Variants in MYO16 observed in about 807,000 individuals in gnomAD.
MYO16 encodes the protein myosin XVI.
MYO16 carries 94 observed loss-of-function variants against 205.3 expected under a neutral mutation model. The ratio of observed to expected loss-of-function variants is 0.46; its 90% CI spans 0.39 to 0.54. MYO16 has a LOEUF of 0.54. MYO16 is among the 20% of genes least tolerant of loss of function. The pLI, the probability that MYO16 is intolerant of heterozygous loss-of-function variation, is 0.00. For missense variants in MYO16, 2,315 were observed against 2,387.5 expected (o/e 0.97, Z 0.63); for synonymous variants, 988 against 954.0 (o/e 1.04, Z -0.66).
chr13:108,798,688 A>ATT (rs35432777), intron 6 of MYO16, among the ~76,000 whole-genome samples: 5,197 of 70,406 alleles, frequency 0.074, 1,099 homozygotes, highest in African/African-American at 0.12. Context: ...CCCGAGGCTT[A>ATT]TTTTTTTTTT....
chr13:108,897,868 A>C (rs919902873), intron 14 of MYO16, 148 bp from the exon 15 acceptor site: 1 of 644,900 alleles, frequency 1.6e-6, no homozygotes, highest in Non-Finnish European at 2.7e-6. Flanking sequence ...TTGAGGAAAA[A>C]GGGGTCTTAA....
chr13:108,651,507 G>C (rs1050938514), intron 1 of MYO16, among the ~76,000 whole-genome samples: 4 of 152,200 alleles, frequency 2.6e-5, no homozygotes, highest in African/African-American at 9.7e-5. Flanking sequence ...TGTGCAAAAA[G>C]TAAATATACC....
chr13:108,662,669 G>A, intron 1 of MYO16, among the ~76,000 whole-genome samples: 1 of 152,112 alleles, frequency 6.6e-6, no homozygotes, highest in East Asian at 1.9e-4. Context: ...AGGGCAAGAT[G>A]GGTTTGAAAA....
the MYO16 span, among the ~76,000 whole-genome samples, chr13:108,499,625 C>T: frequency 6.6e-6 from 1 of 152,130 alleles, no homozygotes; most frequent in African/African-American, 2.4e-5. Context: ...GAAGACATGA[C>T]AATAAACCAG....
At chr13:108,841,515 A>G (rs76906030) in intron 9 of MYO16, among the ~76,000 whole-genome samples, 3,858 of 152,304 alleles carry the variant, frequency 0.025, 124 homozygotes, top group East Asian at 0.11. Context: ...AAAGGAACTT[A>G]GATAAGTCAC....
intron 23 of MYO16, among the ~76,000 whole-genome samples, chr13:109,020,280 A>C (rs1885976972): frequency 6.6e-6 from 1 of 152,134 alleles, no homozygotes; most frequent in Admixed American, 6.6e-5. Flanking sequence ...GTATTAAAGT[A>C]TTTTTTATTA....
intron 32 of MYO16, among the ~76,000 whole-genome samples, chr13:109,154,111 T>A (rs1877851347): frequency 6.6e-6 from 1 of 152,276 alleles, no homozygotes; most frequent in African/African-American, 2.4e-5. Context: ...GAGAAGAATT[T>A]GAATCTCCAT....
At chr13:108,576,034 G>A in the MYO16 span, among the ~76,000 whole-genome samples, 7 of 152,074 alleles carry the variant, frequency 4.6e-5, no homozygotes, top group Non-Finnish European at 1.0e-4. Flanking sequence ...ATTGTCAAGC[G>A]CTCAGGGCTA....
chr13:108,673,179 ATAGT>A (rs1882063450), intron 2 of MYO16, among the ~76,000 whole-genome samples: 1 of 152,184 alleles, frequency 6.6e-6, no homozygotes, highest in Non-Finnish European at 1.5e-5. Context: ...TTTATGTGGT[ATAGT>A]TAGAGAAACT....
At chr13:108,594,929 G>A (rs964535501), upstream of MYO16, among the ~76,000 whole-genome samples, 3 of 152,214 alleles carry the variant, frequency 2.0e-5, no homozygotes, top group African/African-American at 7.2e-5. Flanking sequence ...GGCTGAGGGA[G>A]AGGAATAATT....
chr13:108,868,240 A>G (rs933357146), intron 12 of MYO16, among the ~76,000 whole-genome samples: 14 of 152,204 alleles, frequency 9.2e-5, no homozygotes. Context: ...GCGTGGTTGT[A>G]CTAAGGTATA....
At chr13:108,786,856 C>T (rs1030493560) in intron 5 of MYO16, among the ~76,000 whole-genome samples, 16 of 152,164 alleles carry the variant, frequency 1.1e-4, no homozygotes, top group African/African-American at 3.1e-4. Flanking sequence ...GCAGCTCAGT[C>T]GTGCCTGGGC....
rs138343083 is a variant in MYO16 at position 108,665,911 on chromosome 13, T to C, written c.54T>C (p.Phe18=). The C allele has an allele frequency of 1.4e-3, 2,322 of 1,613,994 alleles. 28 individuals carry two copies. In the African/African-American group the frequency reaches 0.026, roughly 18 times the overall value. The part of the protein sequence containing the change: ...KCCCFQLCNV[F]RSHEMEIDQC... ...GTTGCTTTCAGCTATGTAACGTTTT[T>C]CGATCCCATGAGATGGAAATCGACC... The change falls in exon 2 of 35, where the codon TTT becomes TTC. Residue 18 remains phenylalanine, a synonymous_variant. Transcript: ENST00000457511.
rs73619934 is a variant in MYO16, at chr13:109,137,730, C to T, written c.4052-2534C>T. Among the ~76,000 whole-genome samples, 838 of 152,102 alleles carry T rather than the reference C, an allele frequency of 5.5e-3. 11 individuals are homozygous for T. Among genetic ancestry groups the T allele is most frequent in the African/African-American group, 0.019 (768 of 41,486 alleles). On this transcript the variant is annotated intron_variant, in intron 31 of 34. Transcript: ENST00000457511. ...TGGTTACAGTGTGTTGAGAACTGAG[C>T]GAAGCACTTTCCCTACAATATCTAT...
intron 12 of MYO16, among the ~76,000 whole-genome samples, chr13:108,869,726 GTT>G (rs1878943280): frequency 2.9e-5 from 2 of 68,562 alleles, no homozygotes; most frequent in Non-Finnish European, 2.6e-5. Flanking sequence ...GCGAGACTCC[GTT>G]TCTAAAAAAA....
chr13:108,838,532 G>C (rs544988535), intron 9 of MYO16, among the ~76,000 whole-genome samples: 94 of 150,730 alleles, frequency 6.2e-4, no homozygotes, highest in Admixed American at 2.1e-3. Flanking sequence ...GCTTGGCATG[G>C]TGGTTCATGC....
the MYO16 span, among the ~76,000 whole-genome samples, chr13:108,564,412 G>A: frequency 6.6e-6 from 1 of 152,026 alleles, no homozygotes; most frequent in East Asian, 1.9e-4. Flanking sequence ...CTCATGATCT[G>A]CCCATCTCGG....
At chr13:108,508,861 G>A in the MYO16 span, among the ~76,000 whole-genome samples, 1 of 152,090 alleles carries the variant, frequency 6.6e-6, no homozygotes, top group Non-Finnish European at 1.5e-5. Context: ...TGTCTTTTTG[G>A]GAGAGTGAGG....
intron 6 of MYO16, among the ~76,000 whole-genome samples, chr13:108,802,917 T>G (rs1252159199): frequency 6.6e-6 from 1 of 152,206 alleles, no homozygotes; most frequent in Non-Finnish European, 1.5e-5. Flanking sequence ...TTAAATTGGG[T>G]TATTTGTTTT....
Sources: gnomAD v4.1 joint callset for allele counts (sites outside exome capture counted in the v4.1 genomes callset) on GRCh38, gnomAD v4.1.1 for gene constraint, MANE v1.5 for transcripts, NCBI Gene and HGNC (gene_info 2026-07-23, HGNC 2026-07-21) for gene names.